STPG2: variants seen among roughly 807,000 people sequenced by gnomAD.
STPG2 encodes the protein sperm tail PG-rich repeat containing 2, also known as sperm-tail PG-rich repeat-containing protein 2.
A neutral mutation model predicts 54.2 loss-of-function variants in STPG2; 56 were observed. That is an observed-to-expected ratio of 1.03 (90% CI 0.83 to 1.29). The LOEUF is 1.29. STPG2 is among the 50% of genes most tolerant of loss of function. The probability of loss-of-function intolerance (pLI) is 0.00; values close to 1 mark genes in which losing one functional copy is unlikely to be tolerated. For missense variants in STPG2, 596 were observed against 544.9 expected (o/e 1.09, Z -0.93); for synonymous variants, 200 against 181.8 (o/e 1.10, Z -0.81).
At chr4:97,822,290 C>T (rs1429303635) in intron 9 of STPG2, among the ~76,000 whole-genome samples, 2 of 152,170 alleles carry the variant, frequency 1.3e-5, no homozygotes, top group Non-Finnish European at 2.9e-5. Flanking sequence ...ATAAGTTTCT[C>T]ATTTTCATCT....
intron 9 of STPG2, among the ~76,000 whole-genome samples, chr4:97,805,400 G>T (rs1727525766): frequency 6.6e-6 from 1 of 151,964 alleles, no homozygotes; most frequent in Admixed American, 6.6e-5. Flanking sequence ...TAGTGGAGAT[G>T]GGGTTTCACC....
At chr4:97,465,425 T>C (rs908792924) in intron 4 of STPG2, among the ~76,000 whole-genome samples, 2 of 152,212 alleles carry the variant, frequency 1.3e-5, no homozygotes, top group African/African-American at 2.4e-5. Flanking sequence ...AGAAGTCTAT[T>C]TGGATATTTG....
intron 8 of STPG2, among the ~76,000 whole-genome samples, chr4:97,915,157 TTACTA>T (rs1489149920): frequency 2.6e-5 from 4 of 152,096 alleles, no homozygotes; most frequent in Non-Finnish European, 5.9e-5. Flanking sequence ...TACTGAGTAG[TTACTA>T]AGGGTAACTC....
At chr4:97,738,893 A>C (rs1443444270) in intron 9 of STPG2, among the ~76,000 whole-genome samples, 2 of 152,136 alleles carry the variant, frequency 1.3e-5, no homozygotes, top group African/African-American at 4.8e-5. Flanking sequence ...CTCCACCCCA[A>C]ATCAACAGAA....
In STPG2 at chr4:97,550,587, A is replaced by G. The variant is rs143737371; in HGVS notation, c.462+162112T>C. Among the ~76,000 whole-genome samples, 545 of 152,290 alleles carry G rather than the reference A, an allele frequency of 3.6e-3. 3 individuals are homozygous for G. The highest frequency in any genetic ancestry group is 0.013 in the African/African-American group (522 of 41,576). Reference sequence around the variant, plus strand: ...AGTTTTAATTACCTATGTTATTAAGATTATTTACTATAACTGTGTCCAGAA... The same window carrying G: ...AGTTTTAATTACCTATGTTATTAAGGTTATTTACTATAACTGTGTCCAGAA... On this transcript the variant is annotated intron_variant, in intron 4 of 4. Transcript: ENST00000522676.
intron 5 of STPG2, among the ~76,000 whole-genome samples, chr4:97,995,364 G>A: frequency 1.3e-5 from 2 of 152,072 alleles, no homozygotes; most frequent in Non-Finnish European, 2.9e-5. Context: ...TTCCCGGTAT[G>A]TTTCTGTGAT....
intron 10 of STPG2, among the ~76,000 whole-genome samples, chr4:97,688,456 T>TC (rs1723266111): frequency 6.6e-6 from 1 of 152,118 alleles, no homozygotes; most frequent in African/African-American, 2.4e-5. Flanking sequence ...ACGCTCTGCC[T>TC]CCCGGGTTCA....
chr4:97,668,641 G>A (rs776356991), intron 10 of STPG2, among the ~76,000 whole-genome samples: 7 of 136,692 alleles, frequency 5.1e-5, no homozygotes, highest in Non-Finnish European at 1.1e-4. Context: ...AGGAAGGAAA[G>A]AAGGAAGAAA....
chr4:97,724,926 C>T (rs1010383040), intron 9 of STPG2, among the ~76,000 whole-genome samples: 1 of 152,050 alleles, frequency 6.6e-6, no homozygotes, highest in African/African-American at 2.4e-5. Flanking sequence ...TCAAGTACTT[C>T]TTGAAAGAGT....
intron 1 of STPG2, among the ~76,000 whole-genome samples, chr4:98,141,302 A>G (rs1358233366): frequency 6.6e-6 from 1 of 152,236 alleles, no homozygotes; most frequent in Admixed American, 6.5e-5. Context: ...AACACTCTAT[A>G]GAGAATACCC....
intron 5 of STPG2, among the ~76,000 whole-genome samples, chr4:98,015,250 T>G (rs1007690562): frequency 2.6e-5 from 4 of 152,060 alleles, no homozygotes; most frequent in African/African-American, 7.2e-5. Context: ...AAAAAGAAAT[T>G]ATCATCAGAG....
intron 5 of STPG2, among the ~76,000 whole-genome samples, chr4:97,997,345 T>C (rs529346094): frequency 6.6e-6 from 1 of 152,280 alleles, no homozygotes; most frequent in East Asian, 1.9e-4. Context: ...AGGAGGACTC[T>C]GGAAGCCTAC....
chr4:97,776,435 T>C (rs3852123), intron 9 of STPG2, among the ~76,000 whole-genome samples: 59,924 of 152,038 alleles, frequency 0.39, 11,943 homozygotes, highest in Middle Eastern at 0.46. Flanking sequence ...CCATTGCCTA[T>C]TCATTGTCTC....
At chr4:97,658,831 G>T (rs928799429) in intron 10 of STPG2, among the ~76,000 whole-genome samples, 2 of 152,150 alleles carry the variant, frequency 1.3e-5, no homozygotes, top group African/African-American at 2.4e-5. Context: ...GCCTATTGTA[G>T]CCAGTGAGAG....
At chr4:97,717,299 G>T (rs1267437850) in intron 9 of STPG2, among the ~76,000 whole-genome samples, 1 of 152,140 alleles carries the variant, frequency 6.6e-6, no homozygotes, top group East Asian at 1.9e-4. Flanking sequence ...TAAGAAATAA[G>T]ATTTTACATG....
intron 3 of STPG2, among the ~76,000 whole-genome samples, chr4:98,122,709 AGGAGTCCCTCCTTTTC>A (rs1193155177): frequency 7.1e-6 from 1 of 141,214 alleles, no homozygotes; most frequent in Non-Finnish European, 1.6e-5. Flanking sequence ...TGAGTTAAGG[AGGAGTCCCTCCTTTTC>A]ATTTTTTTTG....
chr4:97,597,796 T>C (rs1241768484), intron 10 of STPG2, among the ~76,000 whole-genome samples: 1 of 151,922 alleles, frequency 6.6e-6, no homozygotes, highest in Non-Finnish European at 1.5e-5. Flanking sequence ...GGGCAAAAGG[T>C]GGTAGCATTT....
chr4:97,639,490 A>T (rs1336120610), intron 10 of STPG2, among the ~76,000 whole-genome samples: 1 of 152,038 alleles, frequency 6.6e-6, no homozygotes, highest in Non-Finnish European at 1.5e-5. Context: ...AACTTAAAGT[A>T]TAATTTAAAA....
At chr4:97,585,599 C>T (rs1732977162) in intron 10 of STPG2, among the ~76,000 whole-genome samples, 1 of 151,954 alleles carries the variant, frequency 6.6e-6, no homozygotes, top group Admixed American at 6.6e-5. Context: ...TTTCAGACAG[C>T]TAACTGTGCC....
Sources: gnomAD v4.1 joint callset for allele counts (sites outside exome capture counted in the v4.1 genomes callset) on GRCh38, gnomAD v4.1.1 for gene constraint, MANE v1.5 for transcripts, NCBI Gene and HGNC (gene_info 2026-07-23, HGNC 2026-07-21) for gene names.